ZNF608: variants seen among roughly 807,000 people sequenced by gnomAD.
ZNF608 encodes zinc finger protein 608.
ZNF608 carries 12 observed loss-of-function variants against 109.0 expected under a neutral mutation model. That is an observed-to-expected ratio of 0.11 (90% CI 0.07 to 0.18). The LOEUF (loss-of-function observed/expected upper bound fraction) is 0.18, where lower values mean the gene tolerates loss of function less well. Ranked by LOEUF, ZNF608 falls within the 10% of genes least tolerant of loss-of-function variation. The pLI, the probability that ZNF608 is intolerant of heterozygous loss-of-function variation, is 1.00. For synonymous variants in ZNF608, 732 were observed against 717.4 expected (o/e 1.02, Z -0.33); for missense variants, 1,707 against 1,879.3 (o/e 0.91, Z 1.70).
chr5:124,677,585 C>T (rs1448078871), intron 3 of ZNF608, among the ~76,000 whole-genome samples: 1 of 152,176 alleles, frequency 6.6e-6, no homozygotes, highest in Admixed American at 6.5e-5. Context: ...CCGTGCAAAT[C>T]AAAATTCATA....
At chr5:124,731,862 A>C (rs1748924188) in intron 2 of ZNF608, among the ~76,000 whole-genome samples, 1 of 152,174 alleles carries the variant, frequency 6.6e-6, no homozygotes, top group Non-Finnish European at 1.5e-5. Context: ...TTAGACATTA[A>C]CAGAAGTAAA....
At chr5:124,653,404 T>C (rs764786854) in intron 3 of ZNF608, among the ~76,000 whole-genome samples, 9 of 152,194 alleles carry the variant, frequency 5.9e-5, no homozygotes, top group African/African-American at 9.6e-5. Flanking sequence ...CAAACACTTA[T>C]TGTGTGTGTC....
At chr5:124,692,572 G>A (rs1752666976) in intron 3 of ZNF608, among the ~76,000 whole-genome samples, 2 of 152,180 alleles carry the variant, frequency 1.3e-5, no homozygotes. Flanking sequence ...ATAAACTCCA[G>A]TTATTACATC....
At chr5:124,747,163 G>C (rs796585088), upstream of ZNF608, among the ~76,000 whole-genome samples, 4 of 144,992 alleles carry the variant, frequency 2.8e-5, no homozygotes, top group Admixed American at 2.7e-4. Flanking sequence ...TAAGGTTTTT[G>C]TTTTCTTTTT....
Position 124,732,929 on chromosome 5 carries a change from A to G in ZNF608, c.906+11155T>C, listed in dbSNP as rs138810114. ...TTCCTGACCAGGGAGCACAGAAATA[A>G]TCTGCCTCCCCACCTTCTTCCCTCC... On this transcript the variant is annotated intron_variant, in intron 2 of 9. Transcript: ENST00000513986. Among the ~76,000 whole-genome samples, 16 of 152,208 alleles carry G rather than the reference A, an allele frequency of 1.1e-4. No individual in the cohort carries two copies. The East Asian group carries it at 2.9e-3, about 28-fold the overall frequency.
intron 3 of ZNF608, among the ~76,000 whole-genome samples, chr5:124,686,820 A>G (rs1337406930): frequency 6.6e-6 from 1 of 152,252 alleles, no homozygotes; most frequent in Non-Finnish European, 1.5e-5. Context: ...GTGCAAAGGT[A>G]CAAGTAAGTC....
Position 124,641,288 on chromosome 5 carries a change from A to T in ZNF608, c.4414T>A (p.Tyr1472Asn), listed in dbSNP as rs1288543773. ...TCATATTGACCCGGGATTAGCGGGTAACCCATGCCAACGTGGGTGTGGTGG... is the reference window on the plus strand; with the variant it reads ...TCATATTGACCCGGGATTAGCGGGTTACCCATGCCAACGTGGGTGTGGTGG... ...THHHTHVGMG[Y>N]PLIPGQYDPF... The change falls in exon 8 of 10, where the codon TAC becomes AAC. Residue 1472 changes from tyrosine (Y) to asparagine (N), a missense_variant. By Grantham distance (143) the Tyr-to-Asn change is moderately radical (BLOSUM62 -2). Around this residue, in one of 7 missense-constraint regions of ZNF608, gnomAD observed 1,073 missense variants for 1,133.5 expected, o/e 0.95. Coordinates refer to ENST00000513986, the MANE Select transcript of ZNF608 (RefSeq NM_020747.3). 1 of 1,613,806 alleles carries T rather than the reference A, an allele frequency of 6.2e-7. No homozygotes were observed. Among genetic ancestry groups the T allele is most frequent in the Non-Finnish European group, 8.5e-7 (1 of 1,180,036 alleles).
intron 3 of ZNF608, among the ~76,000 whole-genome samples, chr5:124,672,459 G>C (rs914458430): frequency 3.3e-5 from 5 of 152,084 alleles, no homozygotes; most frequent in African/African-American, 1.2e-4. Flanking sequence ...AAGTTGACTG[G>C]GAAACAGGAA....
rs551340171 is a variant in ZNF608 at position 124,671,935 on chromosome 5, G to A, written c.1163-22238C>T. Among the ~76,000 whole-genome samples the A allele has an allele frequency of 5.9e-5, 9 of 152,264 alleles. No individual in the cohort carries two copies. The South Asian group carries it at 1.9e-3, about 32-fold the overall frequency. ...TTACAGGCATGAGCCATTGTGTCCAGCCCCCTTGGGCTTCTTTATCATCAA... is the reference window on the plus strand; with the variant it reads ...TTACAGGCATGAGCCATTGTGTCCAACCCCCTTGGGCTTCTTTATCATCAA... On this transcript the variant is annotated intron_variant, in intron 3 of 9. Coordinates refer to ENST00000513986, the MANE Select transcript of ZNF608 (RefSeq NM_020747.3).
chr5:124,701,919 T>C (rs1753068972), intron 2 of ZNF608, among the ~76,000 whole-genome samples: 1 of 152,190 alleles, frequency 6.6e-6, no homozygotes, highest in African/African-American at 2.4e-5. Flanking sequence ...AACATCAACA[T>C]AACTTGAGTT....
At chr5:124,709,277 T>A (rs1461233077) in intron 2 of ZNF608, among the ~76,000 whole-genome samples, 1 of 149,592 alleles carries the variant, frequency 6.7e-6, no homozygotes, top group East Asian at 2.0e-4. Context: ...GCCAGAAGGA[T>A]CCCTATATGC....
rs139588123 is a variant in ZNF608 at position 124,647,678 on chromosome 5, C to T, written c.2706G>A (p.Ser902=). 8.7e-6 allele frequency: 14 copies of T among 1,614,082 alleles called. No individual in the cohort carries two copies. The African/African-American group carries it at 1.1e-4, about 12-fold the overall frequency. Residue 902 remains serine, a synonymous_variant, in exon 5 of 10, where the codon TCG becomes TCA. Coordinates refer to ENST00000513986, the MANE Select transcript of ZNF608 (RefSeq NM_020747.3). The stretch of plus-strand genomic sequence containing the variant: ...TCACCAAAGTGCTGCATTCCAGCCT[C>T]GAGGCGCTCCCTATGGAAGGGCTGG... ...NAPSPSIGSA[S]RLECSTLVNG... is the part of the protein sequence containing the mutation.
rs1268187232 is a variant in ZNF608, at chr5:124,727,834, G to T, written c.906+16250C>A. On this transcript the variant is annotated intron_variant, in intron 2 of 9. Transcript: ENST00000513986. ...GGCTCACCACAACCTCCATCTCCCG[G>T]GTTAAAGCGATTCTCTTGCCTCAGC... 2.0e-5 allele frequency among the ~76,000 whole-genome samples: 3 copies of T among 150,796 alleles called. No homozygotes were observed. The East Asian group carries it at 5.9e-4, about 30-fold the overall frequency.
chr5:124,706,046 A>T (rs930364315), intron 2 of ZNF608, among the ~76,000 whole-genome samples: 4 of 152,248 alleles, frequency 2.6e-5, no homozygotes, highest in African/African-American at 7.2e-5. Context: ...TGGTCAGATA[A>T]TCATACAAAT....
intron 3 of ZNF608, among the ~76,000 whole-genome samples, chr5:124,671,396 A>G (rs751244424): frequency 1.1e-4 from 16 of 152,120 alleles, no homozygotes; most frequent in Non-Finnish European, 1.9e-4. Flanking sequence ...CCATATCCGA[A>G]AGGTCATTTG....
intron 2 of ZNF608, among the ~76,000 whole-genome samples, chr5:124,742,065 G>C (rs1749433561): frequency 6.6e-6 from 1 of 150,752 alleles, no homozygotes; most frequent in African/African-American, 2.4e-5. Context: ...TGACTTGTTT[G>C]CTCTTCATTT....
At chr5:124,641,168 T>C (rs569057934) in intron 8 of ZNF608, 84 bp downstream of exon 8, 4 of 1,571,218 alleles carry the variant, frequency 2.5e-6, no homozygotes, top group Admixed American at 1.7e-5. Flanking sequence ...CAAAGCTCAA[T>C]ATTTTTAAGA....
intron 3 of ZNF608, among the ~76,000 whole-genome samples, chr5:124,686,355 T>C (rs930751113): frequency 2.6e-5 from 4 of 152,134 alleles, no homozygotes; most frequent in African/African-American, 9.7e-5. Flanking sequence ...ATGAAGATTG[T>C]CCTGGTTCCT....
At position 124,691,921 on chromosome 5, in the gene ZNF608, A is replaced by G. The variant is rs2149838188; in HGVS notation, c.1162+9093T>C. On this transcript the variant is annotated intron_variant, in intron 3 of 9. Coordinates refer to ENST00000513986, the MANE Select transcript of ZNF608 (RefSeq NM_020747.3). ...GGTACCTATGGTTAAGAATAAAAAAAAAAATCAAGAAAATGAACTAACATA... is the reference window on the plus strand; with the variant it reads ...GGTACCTATGGTTAAGAATAAAAAAGAAAATCAAGAAAATGAACTAACATA... Among the ~76,000 whole-genome samples, 3 of 152,354 alleles carry G rather than the reference A, an allele frequency of 2.0e-5. No individual in the cohort carries two copies. The South Asian group carries it at 6.2e-4, about 32-fold the overall frequency.
Sources: gnomAD v4.1 joint callset for allele counts (sites outside exome capture counted in the v4.1 genomes callset) on GRCh38, gnomAD v4.1.1 for gene constraint, gnomAD v4.1.1 regional missense constraint, MANE v1.5 for transcripts, NCBI Gene and HGNC (gene_info 2026-07-23, HGNC 2026-07-21) for gene names.